Variants in TAF8 observed in about 807,000 individuals in gnomAD.
TAF8 encodes TATA-box binding protein associated factor 8.
TAF8 carries 47 observed loss-of-function variants against 36.5 expected under a neutral mutation model. The ratio of observed to expected loss-of-function variants is 1.29; its 90% CI spans 1.02 to 1.64. The LOEUF (loss-of-function observed/expected upper bound fraction) is 1.64, where lower values mean the gene tolerates loss of function less well. Among genes scored for constraint, TAF8 ranks in the 40% most tolerant of loss-of-function variants. TAF8 has a pLI of 0.00. For missense variants in TAF8, 420 were observed against 407.6 expected, an observed-to-expected ratio of 1.03 and a Z score of -0.26; for synonymous variants, 175 against 159.5, an observed-to-expected ratio of 1.10 and a Z score of -0.73.
At chr6:42,066,982 C>T (rs1426574034) in intron 6 of TAF8, among the ~76,000 whole-genome samples, 4 of 152,128 alleles carry the variant, frequency 2.6e-5, no homozygotes, top group African/African-American at 7.2e-5. Flanking sequence ...CAGCAGCTGC[C>T]GGTTGTTAAG....
chr6:42,083,977 T>C (rs1004843106), downstream of TAF8, among the ~76,000 whole-genome samples: 2 of 151,708 alleles, frequency 1.3e-5, no homozygotes, highest in African/African-American at 2.4e-5. Context: ...GTCAGGAGAT[T>C]GAGACCATCC....
chr6:42,072,815 C>T (rs1049303004), intron 7 of TAF8, among the ~76,000 whole-genome samples: 9 of 152,032 alleles, frequency 5.9e-5, no homozygotes, highest in African/African-American at 1.4e-4. Context: ...CTCCGCCTCC[C>T]GGGTTCATGC....
At chr6:42,057,290 C>A in intron 4 of TAF8, 99 bp from the exon 5 acceptor site, 1 of 1,541,072 alleles carries the variant, frequency 6.5e-7, no homozygotes, top group South Asian at 1.2e-5. Flanking sequence ...AAATTGAGGT[C>A]TGGCATTTTT....
rs1158320656 is a variant in TAF8 at position 42,082,134 on chromosome 6, TTCA to T, written c.*4592_*4594del. On this transcript the variant is annotated 3_prime_UTR_variant, in exon 9 of 9. Transcript: ENST00000372977. ...TTATGTGTGTGTTGTTCCGTGCAGT[TTCA>T]TCGTGTAGATTTGTGTAACCACCAG... 1 of 152,228 alleles carries T rather than the reference TTCA, an allele frequency of 6.6e-6. No homozygotes were observed. Among genetic ancestry groups the T allele is most frequent in the Non-Finnish European group, 1.5e-5 (1 of 68,054 alleles). 9.4% of individuals were successfully genotyped at this position (152,228 alleles called of 1,614,324 possible).
At chr6:42,051,592 G>A (rs1764791452) in intron 2 of TAF8, 79 bp downstream of exon 2, 8 of 1,474,540 alleles carry the variant, frequency 5.4e-6, no homozygotes, top group South Asian at 5.4e-5. Context: ...GTGTTTGAGA[G>A]GATTTAAGAA....
downstream of TAF8, chr6:42,087,237 C>T (rs1467353229): frequency 1.7e-5 from 3 of 178,782 alleles, no homozygotes. Flanking sequence ...CCAGCTCCAA[C>T]CCAAAGCCCT....
rs113490298 is a variant in TAF8 at position 42,079,834 on chromosome 6, G to A, written c.*2289G>A. On this transcript the variant is annotated 3_prime_UTR_variant, in exon 9 of 9. Transcript: ENST00000372977. ...CTTCCAAAGTGTTGAGATTACAGGC[G>A]TGAGCCACGGTGCCCAGCCCATCTC... 11,467 of 984,744 alleles carry A rather than the reference G, an allele frequency of 0.012. 963 individuals are homozygous for A. In the African/African-American group the frequency reaches 0.18, roughly 15 times the overall value. 61.0% of individuals were successfully genotyped at this position (984,744 alleles called of 1,614,324 possible). A position where few individuals can be genotyped will look rare whatever the true frequency, so the allele number is the denominator to read the frequency against.
intron 1 of TAF8, 196 bp from the exon 2 acceptor site, chr6:42,051,161 G>A (rs1238705771): frequency 7.7e-7 from 1 of 1,303,602 alleles, no homozygotes. Flanking sequence ...GGTAAGCGGA[G>A]AAGTGGTCTC....
intron 2 of TAF8, among the ~76,000 whole-genome samples, chr6:42,053,367 C>T (rs904316465): frequency 1.3e-5 from 2 of 151,920 alleles, no homozygotes; most frequent in African/African-American, 4.8e-5. Flanking sequence ...GTTTCAAGAC[C>T]AACCTTGCCA....
At chr6:42,052,859 C>A (rs886375794) in intron 2 of TAF8, among the ~76,000 whole-genome samples, 1 of 152,054 alleles carries the variant, frequency 6.6e-6, no homozygotes, top group Non-Finnish European at 1.5e-5. Context: ...AAGAAGTGGA[C>A]AACTTAGCCA....
downstream of TAF8, chr6:42,087,112 C>T: frequency 3.2e-6 from 1 of 317,092 alleles, no homozygotes; most frequent in South Asian, 3.7e-5. Flanking sequence ...CTCTGGAACT[C>T]TGGGGTCTGG....
chr6:42,074,833 G>A (rs1031956267), intron 7 of TAF8, among the ~76,000 whole-genome samples: 1 of 120,574 alleles, frequency 8.3e-6, no homozygotes, highest in South Asian at 2.8e-4. Context: ...ACCACGCCTG[G>A]CCTACTTTTT....
chr6:42,067,470 C>T (rs1765405584), intron 6 of TAF8, among the ~76,000 whole-genome samples: 1 of 152,106 alleles, frequency 6.6e-6, no homozygotes, highest in African/African-American at 2.4e-5. Flanking sequence ...CTGCCTCAGC[C>T]TCCCAAAGTG....
At position 42,080,214 on chromosome 6, in the gene TAF8, G is replaced by T; in HGVS notation, c.*2669G>T. On this transcript the variant is annotated 3_prime_UTR_variant, in exon 9 of 9. Transcript: ENST00000372977. ...CAGCTGTTCTCACTGCTCTTGGGAG[G>T]TGTTGTCCCAGTCAGTGTTTCTGCA... The T allele has an allele frequency of 1.0e-6, 1 of 985,536 alleles. No individual in the cohort carries two copies. The highest frequency in any genetic ancestry group is 1.2e-6 in the Non-Finnish European group (1 of 830,018). The allele number at this position is 985,536 out of a possible 1,614,324, so 61.0% of individuals were successfully genotyped here.
rs555230511 is a variant in TAF8 at position 42,083,202 on chromosome 6, A to G, written c.*5657A>G. The G allele has an allele frequency of 1.3e-5, 2 of 152,290 alleles. No individual in the cohort carries two copies. The highest frequency in any genetic ancestry group is 4.1e-4 in the South Asian group (2 of 4,820). The allele number at this position is 152,290 out of a possible 1,614,324, so 9.4% of individuals were successfully genotyped here. A position where few individuals can be genotyped will look rare whatever the true frequency, so the allele number is the denominator to read the frequency against. On this transcript the variant is annotated 3_prime_UTR_variant, in exon 9 of 9. Transcript: ENST00000372977. ...TTCTGTGCATCAAATGCAAATACTT[A>G]TATTTTCTACTTCTCAGTGTATTTT...
rs370901382 is a variant in TAF8 at position 42,060,109 on chromosome 6, AG to A, written c.489+2598del. 3.0e-4 allele frequency among the ~76,000 whole-genome samples: 45 copies of A among 152,308 alleles called. No individual in the cohort carries two copies. The East Asian group carries it at 7.3e-3, about 25-fold the overall frequency. Reference sequence around the variant, plus strand: ...TGTTTAAGTGAAACAGCCCACTATAAGGTAAATAACGAGTCCTAGGATGAGG... The same window carrying A: ...TGTTTAAGTGAAACAGCCCACTATAAGTAAATAACGAGTCCTAGGATGAGG... On this transcript the variant is annotated intron_variant, in intron 5 of 8. Transcript: ENST00000372977.
At chr6:42,068,744 C>T (rs1582235461) in intron 7 of TAF8, 137 bp downstream of exon 7, 4 of 1,000,244 alleles carry the variant, frequency 4.0e-6, no homozygotes, top group Non-Finnish European at 6.0e-6. Flanking sequence ...TAAGGGCTTG[C>T]GTGATGATCC....
rs1209689635 is a variant in TAF8, at chr6:42,077,948, G to A, written c.*403G>A. 1.3e-5 allele frequency: 3 copies of A among 232,602 alleles called. No homozygotes were observed. Among genetic ancestry groups the A allele is most frequent in the Non-Finnish European group, 2.3e-5 (3 of 130,800 alleles). 14.4% of individuals were successfully genotyped at this position (232,602 alleles called of 1,614,324 possible). A position where few individuals can be genotyped will look rare whatever the true frequency, so the allele number is the denominator to read the frequency against. On this transcript the variant is annotated 3_prime_UTR_variant, in exon 9 of 9. Transcript: ENST00000372977. ...TTTTTGTATTTTGAGTAGAGATAGG[G>A]TTTCGCCATGTTGGCCAGGCTGGTC...
rs1469660437 is a variant in TAF8 at position 42,068,647 on chromosome 6, A to G, written c.780+40A>G. 4 of 1,603,604 alleles carry G rather than the reference A, an allele frequency of 2.5e-6. No homozygotes were observed. The South Asian group carries it at 3.3e-5, about 13-fold the overall frequency. The stretch of plus-strand genomic sequence containing the variant: ...CTGCCTACCTCAGAGTATCCCCCAA[A>G]CTGTCGCACACTGCCCTCAGTCTGT... On this transcript the variant is annotated intron_variant, in intron 7 of 8. Coordinates refer to ENST00000372977, the MANE Select transcript of TAF8 (RefSeq NM_138572.3).
Sources: gnomAD v4.1 joint callset for allele counts (sites outside exome capture counted in the v4.1 genomes callset) on GRCh38, gnomAD v4.1.1 for gene constraint, MANE v1.5 for transcripts, NCBI Gene and HGNC (gene_info 2026-07-23, HGNC 2026-07-21) for gene names.